ALLC: variants seen among roughly 807,000 people sequenced by gnomAD.
ALLC encodes the protein allantoicase.
Under a neutral mutation model 45.0 loss-of-function variants are expected in ALLC, and 40 were observed. That is an observed-to-expected ratio of 0.89 (90% CI 0.69 to 1.16). The LOEUF (loss-of-function observed/expected upper bound fraction) is 1.16, where lower values mean the gene tolerates loss of function less well. Ranked by LOEUF, ALLC falls within the 50% of genes most tolerant of loss-of-function variation. The pLI, the probability that ALLC is intolerant of heterozygous loss-of-function variation, is 0.00. For missense variants in ALLC, 488 were observed against 493.1 expected, an observed-to-expected ratio of 0.99 and a Z score of 0.10; for synonymous variants, 176 against 178.1, an observed-to-expected ratio of 0.99 and a Z score of 0.09.
intron 2 of ALLC, among the ~76,000 whole-genome samples, chr2:3,673,591 G>A (rs1467039752): frequency 6.6e-6 from 1 of 152,236 alleles, no homozygotes; most frequent in Non-Finnish European, 1.5e-5. Flanking sequence ...TATTCTGGAT[G>A]TACAATTAGT....
the ALLC span, among the ~76,000 whole-genome samples, chr2:3,647,124 A>AG: frequency 4.6e-5 from 7 of 152,132 alleles, no homozygotes; most frequent in Non-Finnish European, 8.8e-5. Context: ...CTTGAAATAT[A>AG]GGGCCCCAGA....
the ALLC span, among the ~76,000 whole-genome samples, chr2:3,645,873 G>A: frequency 5.3e-5 from 8 of 152,226 alleles, no homozygotes; most frequent in African/African-American, 1.7e-4. The surrounding 1 kb of genome is among the most constrained non-coding windows in gnomAD (Gnocchi z 4.3). Flanking sequence ...GTTGTGGGGC[G>A]AGAGGGAGCT....
chr2:3,665,272 C>CTT (rs68008447), intron 1 of ALLC, among the ~76,000 whole-genome samples: 10 of 150,936 alleles, frequency 6.6e-5, no homozygotes, highest in South Asian at 4.2e-4. Flanking sequence ...ATTCTTTTCC[C>CTT]TTTTTTTTTG....
chr2:3,660,457 G>T (rs1247146907), intron 1 of ALLC, among the ~76,000 whole-genome samples: 2 of 152,076 alleles, frequency 1.3e-5, no homozygotes, highest in Non-Finnish European at 2.9e-5. Flanking sequence ...TAAATTTTGC[G>T]ATATTTGGGG....
intron 10 of ALLC, among the ~76,000 whole-genome samples, chr2:3,699,647 C>G (rs73140848): frequency 0.12 from 18,466 of 152,194 alleles, 1,336 homozygotes; most frequent in African/African-American, 0.2. Flanking sequence ...CTTTTCTCCA[C>G]AACCTTGTCA....
the ALLC span, among the ~76,000 whole-genome samples, chr2:3,651,307 G>GTGT: frequency 1.8e-4 from 1 of 5,548 alleles, no homozygotes; most frequent in Non-Finnish European, 3.5e-4. Context: ...TGGGTGGGTG[G>GTGT]GTGGGTGGGG....
intron 7 of ALLC, among the ~76,000 whole-genome samples, chr2:3,685,836 G>T (rs1454237365): frequency 6.6e-6 from 1 of 150,544 alleles, no homozygotes; most frequent in Non-Finnish European, 1.5e-5. Flanking sequence ...TATTTTTTTT[G>T]CTACTGAGTT....
upstream of ALLC, among the ~76,000 whole-genome samples, chr2:3,656,712 A>C (rs1383027412): frequency 6.6e-6 from 1 of 152,198 alleles, no homozygotes; most frequent in African/African-American, 2.4e-5. Context: ...GCAGCGTCAG[A>C]ATCTGCACTT....
At chr2:3,696,538 A>G (rs1667678381) in intron 9 of ALLC, among the ~76,000 whole-genome samples, 190 bp downstream of exon 9, 1 of 152,260 alleles carries the variant, frequency 6.6e-6, no homozygotes, top group Non-Finnish European at 1.5e-5. Flanking sequence ...CAGAAGCCCA[A>G]ACATACTGGT....
chr2:3,654,618 T>C (rs1666401607), upstream of ALLC, among the ~76,000 whole-genome samples: 1 of 152,216 alleles, frequency 6.6e-6, no homozygotes, highest in African/African-American at 2.4e-5. Context: ...CCCTGAGCAC[T>C]TGTCACGAGC....
At position 3,695,827 on chromosome 2, in the gene ALLC, G is replaced by A; in HGVS notation, c.622G>A (p.Val208Ile). 6.2e-7 allele frequency: 1 copy of A among 1,613,560 alleles called. No individual in the cohort carries two copies. The highest frequency in any genetic ancestry group is 8.5e-7 in the Non-Finnish European group (1 of 1,179,770). ...GGCCATCGCTTTTGGGGGTGTCTGT[G>A]TAGGATTTAGTAATGCTAAGTTTGG... Reference protein sequence around the residue: ...LVAIAFGGVCVGFSNAKFGHP... With the variant: ...LVAIAFGGVCIGFSNAKFGHP... Residue 208 changes from valine to isoleucine, a missense_variant, in exon 8 of 12, where the codon GTA (valine) becomes ATA (isoleucine). Val to Ile is a conservative substitution (Grantham distance 29, BLOSUM62 3). Coordinates refer to ENST00000252505, the MANE Select transcript of ALLC (RefSeq NM_018436.4).
chr2:3,663,108 C>G (rs1482161846), intron 1 of ALLC, among the ~76,000 whole-genome samples: 1 of 152,182 alleles, frequency 6.6e-6, no homozygotes, highest in African/African-American at 2.4e-5. Context: ...CATTCTGTTA[C>G]AAAGACACAT....
At chr2:3,686,595 C>G (rs1011988183) in intron 7 of ALLC, among the ~76,000 whole-genome samples, 1 of 150,842 alleles carries the variant, frequency 6.6e-6, no homozygotes, top group Non-Finnish European at 1.5e-5. Flanking sequence ...TCCATTTTTT[C>G]TGTGTCCTCT....
chr2:3,652,188 G>T, the ALLC span, among the ~76,000 whole-genome samples: 1 of 152,242 alleles, frequency 6.6e-6, no homozygotes, highest in Non-Finnish European at 1.5e-5. Flanking sequence ...ACCTGCAAGG[G>T]CCCCTCGGCT....
chr2:3,670,214 G>A (rs1333063242), intron 1 of ALLC, among the ~76,000 whole-genome samples: 1 of 152,202 alleles, frequency 6.6e-6, no homozygotes, highest in East Asian at 1.9e-4. Flanking sequence ...TGGTATTTTA[G>A]AATTAATTAT....
the ALLC span, among the ~76,000 whole-genome samples, chr2:3,646,112 G>A: frequency 6.6e-6 from 1 of 152,148 alleles, no homozygotes; most frequent in African/African-American, 2.4e-5. Context: ...CATGGTTACT[G>A]TCCAGCATAA....
At chr2:3,660,926 G>A (rs1233546486) in intron 1 of ALLC, among the ~76,000 whole-genome samples, 1 of 135,126 alleles carries the variant, frequency 7.4e-6, no homozygotes, top group Non-Finnish European at 1.6e-5. Context: ...TGCTTTATGA[G>A]GAAGTTAAGT....
upstream of ALLC, among the ~76,000 whole-genome samples, chr2:3,654,695 T>C (rs2115901): frequency 0.033 from 5,008 of 152,306 alleles, 290 homozygotes; most frequent in African/African-American, 0.11. Context: ...CCCTCAGGTG[T>C]GCAGGAAACG....
intron 1 of ALLC, 125 bp from the exon 2 acceptor site, chr2:3,670,971 C>G (rs961075703): frequency 1.1e-5 from 7 of 615,626 alleles, no homozygotes; most frequent in African/African-American, 1.1e-4. Flanking sequence ...GTACAGTTGA[C>G]AGTACATCCA....
Sources: gnomAD v4.1 joint callset for allele counts (sites outside exome capture counted in the v4.1 genomes callset) on GRCh38, gnomAD v4.1.1 for gene constraint, Gnocchi (gnomAD v3.1) non-coding constraint, MANE v1.5 for transcripts, NCBI Gene and HGNC (gene_info 2026-07-23, HGNC 2026-07-21) for gene names.